BACH1: variants seen among roughly 807,000 people sequenced by gnomAD.
The protein encoded by BACH1 is BTB domain and CNC homolog 1.
BACH1 carries 35 observed loss-of-function variants against 52.9 expected under a neutral mutation model. The observed-to-expected ratio is 0.66, with a 90% CI of 0.51 to 0.88. The LOEUF is 0.88. BACH1 is among the 40% of genes least tolerant of loss of function. The pLI is 0.00. For missense variants in BACH1, 808 were observed against 872.6 expected, an observed-to-expected ratio of 0.93 and a Z score of 0.93; for synonymous variants, 321 against 319.6, an observed-to-expected ratio of 1.00 and a Z score of -0.05.
chr21:29,355,284 A>C (rs2089227089), intron 2 of BACH1, among the ~76,000 whole-genome samples: 1 of 151,916 alleles, frequency 6.6e-6, no homozygotes. Context: ...TGGTGCGTTT[A>C]CAAACCCTTA....
intron 1 of BACH1, among the ~76,000 whole-genome samples, chr21:29,310,377 A>G (rs2088706963): frequency 6.6e-6 from 1 of 152,250 alleles, no homozygotes. Context: ...TACCATGCTA[A>G]TATTTTAATT....
intron 1 of BACH1, among the ~76,000 whole-genome samples, chr21:29,318,611 A>T (rs2088814350): frequency 6.6e-6 from 1 of 152,206 alleles, no homozygotes; most frequent in South Asian, 2.1e-4. Context: ...CTGCCTAAAC[A>T]GATGTTGAGC....
intron 2 of BACH1, among the ~76,000 whole-genome samples, chr21:29,359,769 G>A (rs1416836946): frequency 1.3e-5 from 2 of 152,050 alleles, no homozygotes; most frequent in African/African-American, 4.8e-5. Flanking sequence ...AATTCCTTGT[G>A]AGCCTCAAAG....
At chr21:29,299,359 T>A (rs1909555916) in intron 1 of BACH1, 1 of 149,970 alleles carries the variant, frequency 6.7e-6, no homozygotes, top group Non-Finnish European at 1.5e-5. Flanking sequence ...AGCACCGCCC[T>A]CGCGGCTGGG....
At chr21:29,313,997 A>C in intron 1 of BACH1, among the ~76,000 whole-genome samples, 1 of 152,224 alleles carries the variant, frequency 6.6e-6, no homozygotes, top group East Asian at 1.9e-4. Context: ...AAGTTGCTTA[A>C]CAAATAGTGA....
intron 1 of BACH1, among the ~76,000 whole-genome samples, chr21:29,318,261 A>T (rs2088810528): frequency 6.6e-6 from 1 of 152,188 alleles, no homozygotes; most frequent in South Asian, 2.1e-4. Flanking sequence ...CTTGGATTAG[A>T]GTTGTGCTGA....
At chr21:29,361,270 A>G (rs541215180) in intron 2 of BACH1, 1 of 152,316 alleles carries the variant, frequency 6.6e-6, no homozygotes, top group African/African-American at 2.4e-5. Context: ...TTGAGTTATC[A>G]GTATTGCAGA....
At chr21:29,350,939 C>T (rs1266074606), downstream of BACH1, among the ~76,000 whole-genome samples, 4 of 152,184 alleles carry the variant, frequency 2.6e-5, no homozygotes, top group East Asian at 1.9e-4. Flanking sequence ...CCACTACTAG[C>T]GGGAACATAG....
At chr21:29,328,925 A>C (rs763595738) in intron 3 of BACH1, among the ~76,000 whole-genome samples, 1 of 152,316 alleles carries the variant, frequency 6.6e-6, no homozygotes, top group East Asian at 1.9e-4. Flanking sequence ...GTGTATATAC[A>C]CCACGTTTTC....
chr21:29,308,090 A>G (rs1344472671), intron 1 of BACH1, among the ~76,000 whole-genome samples: 1 of 152,206 alleles, frequency 6.6e-6, no homozygotes, highest in Middle Eastern at 3.2e-3. Flanking sequence ...CTCAGATGCT[A>G]TTTAAACTGA....
chr21:29,317,608 A>G (rs1887522743), intron 1 of BACH1, among the ~76,000 whole-genome samples: 1 of 152,180 alleles, frequency 6.6e-6, no homozygotes, highest in African/African-American at 2.4e-5. Flanking sequence ...AAACCCAACT[A>G]CATAGGACTT....
chr21:29,314,607 T>A (rs2088765321), intron 1 of BACH1, among the ~76,000 whole-genome samples: 1 of 152,162 alleles, frequency 6.6e-6, no homozygotes, highest in Non-Finnish European at 1.5e-5. Context: ...ACCCCATTTT[T>A]AAAAAAGCGG....
At chr21:29,321,172 T>G in intron 1 of BACH1, 49 bp from the exon 2 acceptor site, 2 of 988,820 alleles carry the variant, frequency 2.0e-6, no homozygotes. Context: ...GACACTGTCA[T>G]TTTTTAACAA....
chr21:29,306,169 AGTGTGTGTGTGTGTGTGTGTGTGTGTGT>A (rs61571512), intron 1 of BACH1, among the ~76,000 whole-genome samples: 1 of 141,198 alleles, frequency 7.1e-6, no homozygotes, highest in African/African-American at 2.6e-5. Context: ...GGTCAGGAAG[AGTGTGTGTGTGTGTGTGTGTGTGTGTGT>A]GTGTGTGTGT....
intron 3 of BACH1, among the ~76,000 whole-genome samples, chr21:29,328,094 C>A (rs923604131): frequency 6.6e-6 from 1 of 152,204 alleles, no homozygotes; most frequent in African/African-American, 2.4e-5. Context: ...AGACCTGGGA[C>A]ATGTCCCTGA....
At chr21:29,320,133 C>G (rs1309357663) in intron 1 of BACH1, among the ~76,000 whole-genome samples, 1 of 152,138 alleles carries the variant, frequency 6.6e-6, no homozygotes, top group African/African-American at 2.4e-5. Flanking sequence ...TGTAGCAAAT[C>G]TGAAAGCAGT....
chr21:29,342,377 G>A (rs1356343432), intron 4 of BACH1, 22 bp from the exon 5 acceptor site: 6 of 1,598,870 alleles, frequency 3.8e-6, no homozygotes, highest in Non-Finnish European at 5.1e-6. Flanking sequence ...AAGCCATTGT[G>A]TTCTCTTTCC....
chr21:29,321,626 C>G, intron 2 of BACH1, 112 bp downstream of exon 2: 3 of 903,058 alleles, frequency 3.3e-6, no homozygotes, highest in Non-Finnish European at 4.8e-6. Context: ...TGGAGCATTT[C>G]CCAGGTTCTG....
At chr21:29,299,109 A>AGCGGGGCCCGCGGGGCACG (rs1402781822) in intron 1 of BACH1, among the ~76,000 whole-genome samples, 156 bp downstream of exon 1, 4 of 147,658 alleles carry the variant, frequency 2.7e-5, no homozygotes, top group Non-Finnish European at 3.0e-5. Context: ...GGGGGCACGT[A>AGCGGGGCCCGCGGGGCACG]TCGGGGCCCG....
Sources: gnomAD v4.1 joint callset for allele counts (sites outside exome capture counted in the v4.1 genomes callset) on GRCh38, gnomAD v4.1.1 for gene constraint, MANE v1.5 for transcripts, NCBI Gene and HGNC (gene_info 2026-07-23, HGNC 2026-07-21) for gene names.